The following CACNA2D1 variants were observed in gnomAD, a reference collection of about 807,000 sequenced individuals.
CACNA2D1 encodes voltage-dependent calcium channel subunit alpha-2/delta-1.
Under a neutral mutation model 171.5 loss-of-function variants are expected in CACNA2D1, and 53 were observed. The observed-to-expected ratio is 0.31, with a 90% CI of 0.25 to 0.39. The LOEUF is 0.39. Among genes scored for constraint, CACNA2D1 ranks in the 10% least tolerant of loss-of-function variants. The probability of loss-of-function intolerance (pLI) is 1.00; values close to 1 mark genes in which losing one functional copy is unlikely to be tolerated. For synonymous variants in CACNA2D1, 442 were observed against 443.1 expected (o/e 1.00, Z 0.03); for missense variants, 903 against 1,299.8 (o/e 0.69, Z 4.69).
At chr7:82,007,871 C>T in intron 15 of CACNA2D1, 115 bp from the exon 16 acceptor site, 2 of 674,396 alleles carry the variant, frequency 3.0e-6, no homozygotes, top group East Asian at 2.7e-5. Context: ...TAAAGAGCCA[C>T]AAAAACTAGT....
intron 1 of CACNA2D1, among the ~76,000 whole-genome samples, chr7:82,396,411 T>C (rs1325908612): frequency 1.3e-5 from 2 of 152,330 alleles, no homozygotes; most frequent in Middle Eastern, 6.8e-3. Context: ...ATTCCAGATA[T>C]AATCATATAG....
chr7:82,039,014 T>A (rs939113679), intron 10 of CACNA2D1, among the ~76,000 whole-genome samples: 4 of 152,136 alleles, frequency 2.6e-5, no homozygotes, highest in African/African-American at 9.7e-5. Flanking sequence ...TGCAACAAAA[T>A]CCAGGATAAG....
chr7:82,055,184 A>C (rs952011412), intron 10 of CACNA2D1, among the ~76,000 whole-genome samples: 5 of 152,224 alleles, frequency 3.3e-5, no homozygotes, highest in Non-Finnish European at 1.5e-5. Context: ...CCTTTGTACT[A>C]GGATGAGGAC....
chr7:82,047,416 A>T (rs1804678886), intron 10 of CACNA2D1, among the ~76,000 whole-genome samples: 1 of 152,186 alleles, frequency 6.6e-6, no homozygotes, highest in African/African-American at 2.4e-5. Flanking sequence ...TAGTTGAAAA[A>T]TAAACTAAAA....
At chr7:82,135,690 T>G (rs958361157) in intron 5 of CACNA2D1, among the ~76,000 whole-genome samples, 4 of 152,116 alleles carry the variant, frequency 2.6e-5, no homozygotes. Context: ...TAAGACCAGA[T>G]AGACTTGTTT....
At chr7:82,117,458 C>A (rs1460073230) in intron 5 of CACNA2D1, among the ~76,000 whole-genome samples, 1 of 152,092 alleles carries the variant, frequency 6.6e-6, no homozygotes, top group African/African-American at 2.4e-5. Flanking sequence ...GACCAGACTT[C>A]CACACATATA....
intron 4 of CACNA2D1, among the ~76,000 whole-genome samples, chr7:82,167,227 G>A (rs1457020698): frequency 6.6e-6 from 1 of 151,942 alleles, no homozygotes; most frequent in Non-Finnish European, 1.5e-5. Flanking sequence ...TTTGAAAGAT[G>A]ATAAAATTTA....
chr7:82,176,274 T>C (rs938108039), intron 3 of CACNA2D1, among the ~76,000 whole-genome samples: 11 of 152,038 alleles, frequency 7.2e-5, no homozygotes, highest in African/African-American at 2.4e-4. Context: ...TTGAGTATAA[T>C]ATTCCATCTC....
intron 6 of CACNA2D1, among the ~76,000 whole-genome samples, chr7:82,114,598 CA>C (rs1238454894): frequency 6.6e-6 from 1 of 151,046 alleles, no homozygotes; most frequent in Non-Finnish European, 1.5e-5. Context: ...AAAAAACAAA[CA>C]AAAAAAATTA....
intron 18 of CACNA2D1, among the ~76,000 whole-genome samples, chr7:82,002,831 T>C (rs1477906053): frequency 6.6e-6 from 1 of 151,984 alleles, no homozygotes; most frequent in Non-Finnish European, 1.5e-5. Context: ...GAAAAGTCCG[T>C]AGCTATTTTA....
intron 33 of CACNA2D1, 21 bp downstream of exon 33, chr7:81,964,186 T>A (rs1432108135): frequency 6.2e-6 from 10 of 1,612,506 alleles, no homozygotes; most frequent in African/African-American, 1.3e-5. Flanking sequence ...GAGAATTGAT[T>A]AGACCGTGGA....
chr7:82,282,310 T>C (rs115010081), intron 3 of CACNA2D1, among the ~76,000 whole-genome samples: 46 of 152,104 alleles, frequency 3.0e-4, no homozygotes, highest in African/African-American at 1.1e-3. Flanking sequence ...AAATATAAAA[T>C]AAAATAAAAA....
chr7:82,219,067 T>A (rs1391845719), intron 3 of CACNA2D1, among the ~76,000 whole-genome samples: 2 of 152,126 alleles, frequency 1.3e-5, no homozygotes, highest in Non-Finnish European at 2.9e-5. Context: ...AAAGATGTTA[T>A]TAAAATTAAT....
chr7:81,993,612 A>G (rs1797769013), intron 20 of CACNA2D1, among the ~76,000 whole-genome samples: 1 of 152,188 alleles, frequency 6.6e-6, no homozygotes, highest in South Asian at 2.1e-4. Flanking sequence ...AATTGTCTAT[A>G]AAATAGTGAA....
chr7:82,278,092 G>A (rs954399599), intron 3 of CACNA2D1, among the ~76,000 whole-genome samples: 1 of 151,940 alleles, frequency 6.6e-6, no homozygotes, highest in Non-Finnish European at 1.5e-5. Context: ...CTGACAACAA[G>A]GCTCCTCTCT....
At chr7:82,214,130 G>A (rs1800856403) in intron 3 of CACNA2D1, among the ~76,000 whole-genome samples, 1 of 152,114 alleles carries the variant, frequency 6.6e-6, no homozygotes, top group Admixed American at 6.5e-5. Flanking sequence ...ACTCCCAAAG[G>A]CCCCACTCTT....
intron 6 of CACNA2D1, among the ~76,000 whole-genome samples, chr7:82,114,760 G>GAAAAAAAAAAAAAAAAAA (rs34240770): frequency 9.7e-6 from 1 of 103,112 alleles, no homozygotes; most frequent in Non-Finnish European, 2.1e-5. Flanking sequence ...CGTCCCAGAA[G>GAAAAAAAAAAAAAAAAAA]AAAAAAAAAA....
chr7:82,229,553 T>A (rs971773942), intron 3 of CACNA2D1, among the ~76,000 whole-genome samples: 3 of 152,102 alleles, frequency 2.0e-5, no homozygotes, highest in Non-Finnish European at 4.4e-5. Flanking sequence ...TCTAATATGC[T>A]CCTCAAACTA....
upstream of CACNA2D1, chr7:82,443,787 G>C: frequency 1.0e-6 from 1 of 992,832 alleles, no homozygotes; most frequent in Non-Finnish European, 1.3e-6. Context: ...TCTCCCTCTC[G>C]GTTTCCTCCC....
Sources: gnomAD v4.1 joint callset for allele counts (sites outside exome capture counted in the v4.1 genomes callset) on GRCh38, gnomAD v4.1.1 for gene constraint, MANE v1.5 for transcripts, NCBI Gene and HGNC (gene_info 2026-07-23, HGNC 2026-07-21) for gene names.